EFCAB5: variants seen among roughly 807,000 people sequenced by gnomAD.
EFCAB5 encodes EF-hand calcium binding domain 5, also known as EF-hand calcium-binding domain-containing protein 5.
A neutral mutation model predicts 167.9 loss-of-function variants in EFCAB5; 131 were observed. The observed-to-expected ratio is 0.78, with a 90% CI of 0.68 to 0.90. The LOEUF (loss-of-function observed/expected upper bound fraction) is 0.90. Among genes scored for constraint, EFCAB5 ranks in the 40% least tolerant of loss-of-function variants. EFCAB5 has a pLI of 0.00. For synonymous variants in EFCAB5, 574 were observed against 602.8 expected, an observed-to-expected ratio of 0.95 and a Z score of 0.70; for missense variants, 1,663 against 1,745.2, an observed-to-expected ratio of 0.95 and a Z score of 0.84.
chr17:29,974,375 C>G (rs966866268), intron 4 of EFCAB5, among the ~76,000 whole-genome samples: 1 of 151,566 alleles, frequency 6.6e-6, no homozygotes, highest in African/African-American at 2.4e-5. Flanking sequence ...CCCGTCTCTA[C>G]AAATAATAAT....
At chr17:29,941,000 AC>A (rs1431266855), upstream of EFCAB5, among the ~76,000 whole-genome samples, 1 of 151,788 alleles carries the variant, frequency 6.6e-6, no homozygotes, top group African/African-American at 2.4e-5. Flanking sequence ...AGATTGCACC[AC>A]TGTACTCCAG....
intron 14 of EFCAB5, among the ~76,000 whole-genome samples, chr17:30,076,625 A>T (rs1193267264): frequency 1.3e-5 from 2 of 152,246 alleles, no homozygotes; most frequent in East Asian, 3.8e-4. Flanking sequence ...GAGAAATCAC[A>T]ACGGAAGTCT....
At chr17:30,090,141 G>A (rs535099119) in intron 19 of EFCAB5, among the ~76,000 whole-genome samples, 1 of 152,164 alleles carries the variant, frequency 6.6e-6, no homozygotes. Flanking sequence ...CCAAGACAAC[G>A]AAGCAAAGTA....
At chr17:30,089,040 G>A (rs768501808) in intron 19 of EFCAB5, among the ~76,000 whole-genome samples, 2 of 152,112 alleles carry the variant, frequency 1.3e-5, no homozygotes, top group Non-Finnish European at 2.9e-5. Flanking sequence ...TGCTGCGCCC[G>A]TTAACTTGTC....
upstream of EFCAB5, among the ~76,000 whole-genome samples, chr17:29,936,687 G>T (rs988569982): frequency 2.0e-5 from 3 of 152,208 alleles, no homozygotes; most frequent in African/African-American, 7.2e-5. Flanking sequence ...GATTGATAGG[G>T]AAATTGATGC....
At chr17:30,089,358 A>G (rs982699600) in intron 19 of EFCAB5, among the ~76,000 whole-genome samples, 1 of 152,222 alleles carries the variant, frequency 6.6e-6, no homozygotes, top group Non-Finnish European at 1.5e-5. Flanking sequence ...GGGTGGGAAT[A>G]GCAGAAGGAC....
At chr17:30,086,030 C>T (rs1295053699) in intron 18 of EFCAB5, among the ~76,000 whole-genome samples, 2 of 152,092 alleles carry the variant, frequency 1.3e-5, no homozygotes, top group East Asian at 3.9e-4. Flanking sequence ...AGGTCTCACT[C>T]TGTTGCCCAG....
intron 7 of EFCAB5, among the ~76,000 whole-genome samples, chr17:30,010,827 A>G (rs970165640): frequency 6.6e-6 from 1 of 152,128 alleles, no homozygotes; most frequent in Non-Finnish European, 1.5e-5. Flanking sequence ...CCATTTGTCT[A>G]TTTTGGCTTT....
chr17:29,937,515 G>A (rs746822688), upstream of EFCAB5, among the ~76,000 whole-genome samples: 1 of 151,978 alleles, frequency 6.6e-6, no homozygotes, highest in East Asian at 1.9e-4. Flanking sequence ...GATCTTTACC[G>A]GTTTCATTAA....
At chr17:29,973,480 CTTT>C (rs35478169) in intron 4 of EFCAB5, among the ~76,000 whole-genome samples, 9 of 135,532 alleles carry the variant, frequency 6.6e-5, no homozygotes, top group Admixed American at 7.4e-5. Flanking sequence ...TTCCTTTTTC[CTTT>C]TTTTTTTTTT....
intron 1 of EFCAB5, among the ~76,000 whole-genome samples, chr17:29,932,508 T>G (rs187149790): frequency 1.9e-4 from 24 of 127,842 alleles, no homozygotes; most frequent in Admixed American, 1.0e-3. Flanking sequence ...CAGGCTGGAG[T>G]GCAATGGCAC....
intron 4 of EFCAB5, among the ~76,000 whole-genome samples, chr17:29,982,769 A>G (rs960347985): frequency 6.6e-6 from 1 of 152,216 alleles, no homozygotes; most frequent in Non-Finnish European, 1.5e-5. Context: ...TAAGCTGATT[A>G]GAACCAATTT....
chr17:30,033,367 C>T (rs2069532244), intron 7 of EFCAB5, among the ~76,000 whole-genome samples: 1 of 152,100 alleles, frequency 6.6e-6, no homozygotes, highest in South Asian at 2.1e-4. Flanking sequence ...CGTGAGCCAC[C>T]GTGCCCGGCC....
At chr17:29,936,759 C>T (rs2067248608), upstream of EFCAB5, among the ~76,000 whole-genome samples, 1 of 152,180 alleles carries the variant, frequency 6.6e-6, no homozygotes, top group African/African-American at 2.4e-5. Context: ...AGTTAAAGAC[C>T]TTGCTACTTC....
chr17:29,947,680 T>C (rs2151527756), intron 3 of EFCAB5, among the ~76,000 whole-genome samples: 1 of 152,292 alleles, frequency 6.6e-6, no homozygotes, highest in East Asian at 1.9e-4. Context: ...CTGGCAAGTC[T>C]TTACTTATCC....
chr17:30,105,777 T>C (rs1272484027), intron 22 of EFCAB5, among the ~76,000 whole-genome samples: 1 of 152,212 alleles, frequency 6.6e-6, no homozygotes, highest in Non-Finnish European at 1.5e-5. Context: ...TGAACACTTA[T>C]AATTGAATGA....
intron 6 of EFCAB5, among the ~76,000 whole-genome samples, chr17:29,998,882 T>A (rs1376027729): frequency 1.3e-5 from 2 of 152,212 alleles, no homozygotes; most frequent in Non-Finnish European, 2.9e-5. Flanking sequence ...TTACATAAAT[T>A]GTCATATCAA....
At chr17:30,062,723 C>A (rs1170707137) in intron 14 of EFCAB5, among the ~76,000 whole-genome samples, 1 of 152,190 alleles carries the variant, frequency 6.6e-6, no homozygotes, top group African/African-American at 2.4e-5. Context: ...AGTGGCCCAG[C>A]ATCCTCAAGT....
chr17:30,085,662 C>G (rs868609939), intron 18 of EFCAB5, among the ~76,000 whole-genome samples: 5 of 150,302 alleles, frequency 3.3e-5, no homozygotes, highest in South Asian at 2.1e-4. Flanking sequence ...AGAGCTTGCA[C>G]TGAGCCGAGA....
Sources: gnomAD v4.1 joint callset for allele counts (sites outside exome capture counted in the v4.1 genomes callset) on GRCh38, gnomAD v4.1.1 for gene constraint, MANE v1.5 for transcripts, NCBI Gene and HGNC (gene_info 2026-07-23, HGNC 2026-07-21) for gene names.